FBXO43: variants seen among roughly 807,000 people sequenced by gnomAD.
FBXO43 encodes the protein F-box only protein 43.
FBXO43 carries 22 observed loss-of-function variants against 56.7 expected under a neutral mutation model. That is an observed-to-expected ratio of 0.39 (90% CI 0.28 to 0.55). FBXO43 has a LOEUF of 0.55. Among genes scored for constraint, FBXO43 ranks in the 20% least tolerant of loss-of-function variants. The probability of loss-of-function intolerance (pLI) is 0.66; values close to 1 mark genes in which losing one functional copy is unlikely to be tolerated. For missense variants in FBXO43, 733 were observed against 814.9 expected (o/e 0.90, Z 1.22); for synonymous variants, 306 against 294.5 (o/e 1.04, Z -0.40).
At chr8:100,143,580 T>C (rs754443045) in intron 1 of FBXO43, among the ~76,000 whole-genome samples, 6 of 152,218 alleles carry the variant, frequency 3.9e-5, no homozygotes, top group Admixed American at 2.0e-4. Flanking sequence ...ACAAACCAAA[T>C]AGATTTATCA....
At chr8:100,148,579 T>C (rs1814869236), upstream of FBXO43, among the ~76,000 whole-genome samples, 1 of 152,154 alleles carries the variant, frequency 6.6e-6, no homozygotes, top group South Asian at 2.1e-4. Context: ...GTCTGGCTAA[T>C]TTTTTGTATT....
upstream of FBXO43, chr8:100,150,520 G>A (rs566995378): frequency 2.0e-5 from 3 of 152,408 alleles, no homozygotes; most frequent in East Asian, 1.9e-4. Flanking sequence ...TAGACAGAAA[G>A]CCCCTGCTTT....
rs774960626 is a variant in FBXO43, at chr8:100,134,093, G to A, written c.1879-43C>T. On this transcript the variant is annotated intron_variant, in intron 4 of 4. Transcript: ENST00000428847. ...ACACTAAATCTTCTGGTTTCATATA[G>A]AGGAGCACTTTATTTCAAACTCTGT... 1.9e-6 allele frequency: 3 copies of A among 1,606,008 alleles called. No homozygotes were observed. The South Asian group carries it at 3.3e-5, about 18-fold the overall frequency.
At chr8:100,147,283 C>A (rs1814850328), upstream of FBXO43, among the ~76,000 whole-genome samples, 1 of 152,196 alleles carries the variant, frequency 6.6e-6, no homozygotes, top group Non-Finnish European at 1.5e-5. Flanking sequence ...GGAACAGTAG[C>A]AGCACAAAGG....
At chr8:100,137,253 G>C (rs1387473982) in intron 3 of FBXO43, 2 of 180,122 alleles carry the variant, frequency 1.1e-5, no homozygotes, top group African/African-American at 4.8e-5. Context: ...GTAGAGACAG[G>C]GTTTCACCGT....
At chr8:100,149,391 T>C (rs1814881278), upstream of FBXO43, among the ~76,000 whole-genome samples, 1 of 152,224 alleles carries the variant, frequency 6.6e-6, no homozygotes, top group Admixed American at 6.5e-5. Context: ...CACTCTGTCA[T>C]CTTTCGCTTA....
Position 100,134,070 on chromosome 8 carries a change from A to G in FBXO43, c.1879-20T>C. On this transcript the variant is annotated intron_variant, in intron 4 of 4. Transcript: ENST00000428847. ...GGCAACCTGCAGTGAAAGCACACAC[A>G]CTAAATCTTCTGGTTTCATATAGAG... 1 of 1,611,178 alleles carries G rather than the reference A, an allele frequency of 6.2e-7. No individual in the cohort carries two copies. The highest frequency in any genetic ancestry group is 8.5e-7 in the Non-Finnish European group (1 of 1,178,164).
At chr8:100,140,028 T>C (rs1814588387) in intron 2 of FBXO43, among the ~76,000 whole-genome samples, 1 of 152,238 alleles carries the variant, frequency 6.6e-6, no homozygotes, top group African/African-American at 2.4e-5. Flanking sequence ...TGATCTGAAC[T>C]ATTAAATCAT....
upstream of FBXO43, chr8:100,145,913 C>T (rs1814821731): frequency 6.5e-6 from 1 of 152,794 alleles, no homozygotes; most frequent in South Asian, 2.0e-4. Context: ...CGCCCGGCCG[C>T]CCGCAGGCCT....
chr8:100,144,557 T>C (rs1586354287), intron 1 of FBXO43, among the ~76,000 whole-genome samples: 1 of 151,382 alleles, frequency 6.6e-6, no homozygotes, highest in African/African-American at 2.4e-5. Flanking sequence ...TCAAGCCTCT[T>C]CGATATTCAT....
At chr8:100,142,821 A>AC (rs1397755493) in intron 1 of FBXO43, among the ~76,000 whole-genome samples, 2 of 152,184 alleles carry the variant, frequency 1.3e-5, no homozygotes, top group African/African-American at 4.8e-5. Context: ...ACCATAATGA[A>AC]CCACTGCACC....
chr8:100,149,658 T>C (rs972487842), upstream of FBXO43, among the ~76,000 whole-genome samples: 16 of 152,318 alleles, frequency 1.1e-4, no homozygotes, highest in Non-Finnish European at 1.8e-4. Context: ...AGAAGGAGTT[T>C]GAACTTCTGG....
chr8:100,144,193 A>G (rs1189803175), intron 1 of FBXO43, among the ~76,000 whole-genome samples: 1 of 152,168 alleles, frequency 6.6e-6, no homozygotes, highest in African/African-American at 2.4e-5. Flanking sequence ...GGGAATGCAG[A>G]TATTATCTCT....
At chr8:100,149,520 T>C (rs1814883016), upstream of FBXO43, among the ~76,000 whole-genome samples, 1 of 152,180 alleles carries the variant, frequency 6.6e-6, no homozygotes, top group Admixed American at 6.5e-5. Context: ...GTTAAAATAT[T>C]TATGCTCTGT....
chr8:100,135,827 A>G (rs1185660018), intron 3 of FBXO43, among the ~76,000 whole-genome samples: 1 of 151,998 alleles, frequency 6.6e-6, no homozygotes, highest in Admixed American at 6.6e-5. Flanking sequence ...GCTGATCTTG[A>G]ACTCCTGATG....
chr8:100,141,315 G>A lies in FBXO43; in HGVS notation c.939C>T (p.Asn313=), dbSNP rs201946277. The change falls in exon 2 of 5, where the codon AAC becomes AAT. Residue 313 remains asparagine, a synonymous_variant. Transcript: ENST00000428847. ...ISNLVANIRF[N]ASQILSPSPE... ...GTGAAGGAGAAAGTATTTGACTTGC[G>A]TTAAATCTAATGTTTGCCACAAGAT... 3.8e-5 allele frequency: 61 copies of A among 1,613,908 alleles called. No homozygotes were observed. The East Asian group carries it at 8.5e-4, about 22-fold the overall frequency.
At position 100,134,207 on chromosome 8, in the gene FBXO43, C is replaced by A; in HGVS notation, c.1832G>T (p.Ser611Ile). ...PWGEVLTPLA[S>I]SSVTHLSSKQ... ...ACTACTTAAGTGAGTAACAGAAGAG[C>A]TTGCTAGAGGTGTCAAAACTTCTCC... Residue 611 changes from serine to isoleucine, a missense_variant, in exon 4 of 5, where the codon AGC becomes ATC. Physicochemically the swap from Ser to Ile is moderately radical, Grantham distance 142. Coordinates refer to ENST00000428847, the MANE Select transcript of FBXO43 (RefSeq NM_001029860.4). 1 of 1,614,134 alleles carries A rather than the reference C, an allele frequency of 6.2e-7. No individual in the cohort carries two copies. Among genetic ancestry groups the A allele is most frequent in the East Asian group, 2.2e-5 (1 of 44,888 alleles).
rs1814371725 is a variant in FBXO43, at chr8:100,133,512, GCA to G, written c.*288_*289del. On this transcript the variant is annotated 3_prime_UTR_variant, in exon 5 of 5. Transcript: ENST00000428847. ...AAGAACATGTCAAGAGTGATGAAAT[GCA>G]CAAATTTAAAATGTTACATAAAACA... The G allele has an allele frequency of 4.4e-6, 1 of 226,738 alleles. No individual in the cohort carries two copies. Among genetic ancestry groups the G allele is most frequent in the African/African-American group, 2.3e-5 (1 of 43,782 alleles). 14.0% of individuals were successfully genotyped at this position (226,738 alleles called of 1,614,324 possible). A position where few individuals can be genotyped will look rare whatever the true frequency, so the allele number is the denominator to read the frequency against.
In FBXO43 at chr8:100,134,002, A is replaced by G; in HGVS notation, c.1927T>C (p.Cys643Arg). 1.2e-6 allele frequency: 2 copies of G among 1,614,166 alleles called. No homozygotes were observed. Among genetic ancestry groups the G allele is most frequent in the East Asian group, 4.5e-5 (2 of 44,888 alleles). Residue 643 changes from cysteine (C) to arginine (R), a missense_variant, in exon 5 of 5, where the codon TGC becomes CGC. Cys to Arg is a radical substitution (Grantham distance 180). Coordinates refer to ENST00000428847, the MANE Select transcript of FBXO43 (RefSeq NM_001029860.4). The part of the protein sequence containing the change: ...TDEALKPCPR[C>R]QSPAKYQPYK... ...GGCTGGTACTTAGCAGGGGACTGGC[A>G]CCTTGGGCAAGGTTTTAATGCTTCA...
Sources: allele counts gnomAD v4.1 joint callset (sites outside exome capture counted in the v4.1 genomes callset), GRCh38; gene constraint gnomAD v4.1.1; transcripts MANE v1.5; gene names NCBI Gene and HGNC (gene_info 2026-07-23, HGNC 2026-07-21).